VPS33A: variants seen among roughly 807,000 people sequenced by gnomAD.
The protein encoded by VPS33A is vacuolar protein sorting-associated protein 33A.
In VPS33A, 32 loss-of-function variants were observed where a neutral mutation model predicts 71.8. The ratio of observed to expected loss-of-function variants is 0.45; its 90% confidence interval spans 0.34 to 0.60. The LOEUF (loss-of-function observed/expected upper bound fraction) is 0.60. Ranked by LOEUF, VPS33A falls within the 20% of genes least tolerant of loss-of-function variation. The probability of loss-of-function intolerance (pLI) is 0.02; values close to 1 mark genes in which losing one functional copy is unlikely to be tolerated. For synonymous variants in VPS33A, 311 were observed against 292.7 expected, an observed-to-expected ratio of 1.06 and a Z score of -0.64; for missense variants, 625 against 748.5, an observed-to-expected ratio of 0.84 and a Z score of 1.92.
intron 4 of VPS33A, among the ~76,000 whole-genome samples, chr12:122,257,614 A>T (rs1353653161): frequency 6.6e-6 from 1 of 151,726 alleles, no homozygotes; most frequent in East Asian, 1.9e-4. Flanking sequence ...TGAAGGTTGC[A>T]GTGAGCTGAG....
intron 4 of VPS33A, among the ~76,000 whole-genome samples, chr12:122,259,869 G>GA (rs890608244): frequency 8.0e-5 from 12 of 150,028 alleles, no homozygotes; most frequent in African/African-American, 1.7e-4. Flanking sequence ...AATAAAAATA[G>GA]AAAAAAAAAG....
intron 4 of VPS33A, among the ~76,000 whole-genome samples, chr12:122,252,199 A>G (rs1271649866): frequency 6.6e-6 from 1 of 152,124 alleles, no homozygotes; most frequent in South Asian, 2.1e-4. Flanking sequence ...TGAGGCTGCA[A>G]TGAGCTATGT....
At chr12:122,244,790 C>A in intron 6 of VPS33A, 28 bp from the exon 7 acceptor site, 2 of 1,588,352 alleles carry the variant, frequency 1.3e-6, no homozygotes, top group Non-Finnish European at 1.7e-6. Flanking sequence ...GGAATAAGCA[C>A]CTGTGTGCAA....
intron 7 of VPS33A, 82 bp downstream of exon 7, chr12:122,244,487 T>G (rs1954751868): frequency 8.0e-7 from 1 of 1,255,756 alleles, no homozygotes; most frequent in African/African-American, 1.5e-5. Flanking sequence ...TGGCTACATA[T>G]TTTTGGAGCT....
chr12:122,242,291 G>A (rs1158892793), intron 8 of VPS33A, 91 bp downstream of exon 8: 15 of 1,495,284 alleles, frequency 1.0e-5, no homozygotes, highest in East Asian at 9.1e-5. Context: ...TGACTCTCCC[G>A]AAGAGGCATT....
chr12:122,263,511 C>G lies in VPS33A; in HGVS notation c.296+61G>C, dbSNP rs984556572. The G allele has an allele frequency of 2.5e-5, 37 of 1,499,256 alleles. No individual in the cohort carries two copies. In the East Asian group the frequency reaches 8.5e-4, roughly 35 times the overall value. 92.9% of individuals were successfully genotyped at this position (1,499,256 alleles called of 1,614,324 possible). A position where few individuals can be genotyped will look rare whatever the true frequency, so the allele number is the denominator to read the frequency against. ...TGAGGGTCTTCCATGAGAAGGAGCT[C>G]ATAAATTAAAAGCATTATAAGAACC... On this transcript the variant is annotated intron_variant, in intron 3 of 12. Coordinates refer to ENST00000267199, the MANE Select transcript of VPS33A (RefSeq NM_022916.6).
At chr12:122,249,842 A>G (rs2136137571) in intron 6 of VPS33A, 29 bp downstream of exon 6, 2 of 1,588,160 alleles carry the variant, frequency 1.3e-6, no homozygotes, top group Non-Finnish European at 8.6e-7. Context: ...CATATTACCT[A>G]TTAGTGAAAA....
chr12:122,236,338 A>G (rs1424289121), intron 10 of VPS33A, among the ~76,000 whole-genome samples: 1 of 152,104 alleles, frequency 6.6e-6, no homozygotes, highest in African/African-American at 2.4e-5. Flanking sequence ...CATTATTTCT[A>G]TTTTTAAAAA....
chr12:122,247,026 C>G (rs968473868), intron 6 of VPS33A, among the ~76,000 whole-genome samples: 5 of 152,084 alleles, frequency 3.3e-5, no homozygotes, highest in Admixed American at 2.6e-4. Context: ...TTGTTAACTA[C>G]AATAAACTAC....
rs1954536889 is a variant in VPS33A at position 122,229,875 on chromosome 12, A to C, written c.*2371T>G. 1 of 152,208 alleles carries C rather than the reference A, an allele frequency of 6.6e-6. No individual in the cohort carries two copies. The highest frequency in any genetic ancestry group is 1.5e-5 in the Non-Finnish European group (1 of 68,042). The allele number at this position is 152,208 out of a possible 1,614,324, so 9.4% of individuals were successfully genotyped here. A position where few individuals can be genotyped will look rare whatever the true frequency, so the allele number is the denominator to read the frequency against. Reference sequence around the variant, plus strand: ...GCCCTAACTATGCTCTGAGCAAGCAAGTATATAGAGTCTTGGGTGAGTGCA... The same window carrying C: ...GCCCTAACTATGCTCTGAGCAAGCACGTATATAGAGTCTTGGGTGAGTGCA... On this transcript the variant is annotated 3_prime_UTR_variant, in exon 13 of 13. Transcript: ENST00000267199.
intron 4 of VPS33A, among the ~76,000 whole-genome samples, chr12:122,254,397 C>G (rs1256684150): frequency 8.7e-6 from 1 of 114,348 alleles, no homozygotes; most frequent in Non-Finnish European, 1.7e-5. Context: ...CCCAATCCAC[C>G]CCCCCGCCTT....
At chr12:122,246,726 AG>A (rs1433504895) in intron 6 of VPS33A, among the ~76,000 whole-genome samples, 1 of 151,906 alleles carries the variant, frequency 6.6e-6, no homozygotes, top group Non-Finnish European at 1.5e-5. Context: ...CAGCCTCCCA[AG>A]TAGCTGGGAT....
rs1372408446 is a variant in VPS33A, at chr12:122,242,383, A to G, written c.1095T>C (p.Thr365=). Residue 365 remains threonine (T), a splice_region_variant and synonymous_variant, in exon 8 of 13, where the codon ACT becomes ACC. Transcript: ENST00000267199. The stretch of plus-strand genomic sequence containing the variant: ...ACAATCATTACAAAGGATACTCACT[A>G]GTGACATCTTTGATCAATTCTGCAA... ...TSIAELIKDV[T]TSEDFFDKLT... is the part of the protein sequence containing the mutation. 5 of 1,612,880 alleles carry G rather than the reference A, an allele frequency of 3.1e-6. No individual in the cohort carries two copies. In the Middle Eastern group the frequency reaches 5.0e-4, roughly 160 times the overall value.
At chr12:122,234,780 G>A (rs1271518915) in intron 11 of VPS33A, among the ~76,000 whole-genome samples, 1 of 152,174 alleles carries the variant, frequency 6.6e-6, no homozygotes, top group African/African-American at 2.4e-5. Context: ...GCAGTGTGAG[G>A]ATGACGTTGT....
rs1309150061 is a variant in VPS33A, at chr12:122,234,062, A to AAAC, written c.1441-1097_1441-1095dup. Among the ~76,000 whole-genome samples the AAAC allele has an allele frequency of 5.3e-5, 8 of 152,238 alleles. No individual in the cohort carries two copies. The East Asian group carries it at 1.5e-3, about 29-fold the overall frequency. ...AAAACCAAAAAAGACTGAAATTTAG[A>AAAC]AACATTAGAATAAGTAATAAATGTA... On this transcript the variant is annotated intron_variant, in intron 11 of 12. Coordinates refer to ENST00000267199, the MANE Select transcript of VPS33A (RefSeq NM_022916.6).
At chr12:122,265,587 A>G (rs1409206298) in intron 1 of VPS33A, 2 of 320,756 alleles carry the variant, frequency 6.2e-6, no homozygotes, top group African/African-American at 4.3e-5. Flanking sequence ...CTGGGCCCCT[A>G]TGATGTAGAC....
chr12:122,257,288 G>T (rs1954931216), intron 4 of VPS33A, among the ~76,000 whole-genome samples: 1 of 151,842 alleles, frequency 6.6e-6, no homozygotes, highest in Non-Finnish European at 1.5e-5. Context: ...TTAGGCGGGC[G>T]TGGTGGTGGA....
In VPS33A at chr12:122,240,824, A is replaced by G. The variant is rs193285478; in HGVS notation, c.1097-879T>C. On this transcript the variant is annotated intron_variant, in intron 8 of 12. Coordinates refer to ENST00000267199, the MANE Select transcript of VPS33A (RefSeq NM_022916.6). The stretch of plus-strand genomic sequence containing the variant: ...ATATTCAAGGGAAGAACATGCGCCA[A>G]TAAGTAATCCTTCAAAAAAGGAAAA... Among the ~76,000 whole-genome samples, 261 of 152,326 alleles carry G rather than the reference A, an allele frequency of 1.7e-3. 5 individuals carry two copies. The highest frequency in any genetic ancestry group is 5.8e-3 in the African/African-American group (241 of 41,566).
In VPS33A at chr12:122,251,070, G is replaced by A. The variant is rs373654711; in HGVS notation, c.513C>T (p.Ser171=). The stretch of plus-strand genomic sequence containing the variant: ...TCAGCCCCTTGGCTGCGTGGTACAG[G>A]CTCGTCTGGTCACCCTCCAGGTAGC... ...KECYLEGDQT[S]LYHAAKGLMT... Residue 171 remains serine, a synonymous_variant, in exon 5 of 13, where the codon AGC becomes AGT. Transcript: ENST00000267199. 4.7e-5 allele frequency: 76 copies of A among 1,613,978 alleles called. No homozygotes were observed. Among genetic ancestry groups the A allele is most frequent in the Non-Finnish European group, 6.1e-5 (72 of 1,179,884 alleles).
Sources: gnomAD v4.1 joint callset for allele counts (sites outside exome capture counted in the v4.1 genomes callset) on GRCh38, gnomAD v4.1.1 for gene constraint, MANE v1.5 for transcripts, NCBI Gene and HGNC (gene_info 2026-07-23, HGNC 2026-07-21) for gene names.